DNAH3: variants seen among roughly 807,000 people sequenced by gnomAD.
DNAH3 encodes the protein dynein axonemal heavy chain 3, also known as axonemal beta dynein heavy chain 3.
DNAH3 carries 332 observed loss-of-function variants against 432.5 expected under a neutral mutation model. The ratio of observed to expected loss-of-function variants is 0.77; its 90% CI spans 0.70 to 0.84. The LOEUF (loss-of-function observed/expected upper bound fraction) is 0.84. Ranked by LOEUF, DNAH3 falls within the 40% of genes least tolerant of loss-of-function variation. The pLI, the probability that DNAH3 is intolerant of heterozygous loss-of-function variation, is 0.00. For synonymous variants in DNAH3, 1,956 were observed against 1,900.2 expected (o/e 1.03, Z -0.76); for missense variants, 4,861 against 5,114.0 (o/e 0.95, Z 1.51).
chr16:21,068,209 C>T (rs1304682365), intron 23 of DNAH3, among the ~76,000 whole-genome samples: 1 of 152,102 alleles, frequency 6.6e-6, no homozygotes, highest in African/African-American at 2.4e-5. Context: ...GTGAACTTAC[C>T]ATCCTTCAAG....
At chr16:21,150,217 A>G (rs918399300) in intron 1 of DNAH3, 73 bp downstream of exon 2, 1 of 406,310 alleles carries the variant, frequency 2.5e-6, no homozygotes, top group Non-Finnish European at 4.7e-6. Flanking sequence ...AAAGAGCAAA[A>G]CTCTGTCTCA....
chr16:20,960,634 G>A (rs1276874617), intron 53 of DNAH3, among the ~76,000 whole-genome samples: 1 of 152,182 alleles, frequency 6.6e-6, no homozygotes, highest in Non-Finnish European at 1.5e-5. Context: ...CCTGGGAAGA[G>A]GCGGAGGTTG....
intron 52 of DNAH3, among the ~76,000 whole-genome samples, chr16:20,968,360 C>T (rs1183563996): frequency 6.6e-6 from 1 of 152,096 alleles, no homozygotes; most frequent in African/African-American, 2.4e-5. Context: ...TGAGCCACTG[C>T]ACCTGGATGG....
intron 41 of DNAH3, among the ~76,000 whole-genome samples, chr16:21,012,909 G>A (rs1597138267): frequency 2.6e-5 from 4 of 152,090 alleles, no homozygotes; most frequent in Admixed American, 2.6e-4. Context: ...CTACAGGTGA[G>A]CGCTACCACA....
intron 11 of DNAH3, among the ~76,000 whole-genome samples, chr16:21,119,618 T>TG (rs2152810741): frequency 6.6e-6 from 1 of 150,736 alleles, no homozygotes; most frequent in African/African-American, 2.5e-5. Context: ...TTTTTTGAGA[T>TG]GGAGTTTCAC....
At chr16:21,027,356 G>A (rs917445386) in intron 37 of DNAH3, among the ~76,000 whole-genome samples, 1 of 152,124 alleles carries the variant, frequency 6.6e-6, no homozygotes, top group Non-Finnish European at 1.5e-5. Context: ...CAGACAATAA[G>A]CAAAATATAT....
chr16:20,938,394 TA>T lies in DNAH3; in HGVS notation c.11655-1542del, dbSNP rs5816142. ...GACAAGAGTGAAACTCTGTCTCAATTAAAAAAAAAAAAAGGAATGTAAAATT... is the reference window on the plus strand; with the variant it reads ...GACAAGAGTGAAACTCTGTCTCAATTAAAAAAAAAAAAGGAATGTAAAATT... On this transcript the variant is annotated intron_variant, in intron 59 of 61. Coordinates refer to ENST00000261383, the Ensembl canonical transcript of DNAH3. 5.5e-3 allele frequency among the ~76,000 whole-genome samples: 791 copies of T among 143,066 alleles called. 4 individuals are homozygous for T. Among genetic ancestry groups the T allele is most frequent in the Middle Eastern group, 0.022 (6 of 276 alleles). The allele number at this position is 143,066 out of a possible 152,430, so 93.9% of individuals were successfully genotyped here.
exon 47 of DNAH3, chr16:20,987,426 A>G (rs1442700926): frequency 6.2e-7 from 1 of 1,614,044 alleles, no homozygotes; most frequent in Non-Finnish European, 8.5e-7. Context: ...ATGGATCCAA[A>G]GCCGGATACA....
chr16:20,980,476 G>T (rs926846919), intron 49 of DNAH3, among the ~76,000 whole-genome samples: 5 of 150,928 alleles, frequency 3.3e-5, no homozygotes, highest in African/African-American at 1.2e-4. Context: ...TGGCTCAAGT[G>T]ATCCTCCCAC....
chr16:20,945,496 CTTT>C (rs71377698), intron 57 of DNAH3, among the ~76,000 whole-genome samples: 1 of 144,636 alleles, frequency 6.9e-6, no homozygotes, highest in Non-Finnish European at 1.5e-5. Context: ...TATTCCTTTA[CTTT>C]TTTTTTTTTT....
intron 52 of DNAH3, among the ~76,000 whole-genome samples, chr16:20,967,627 C>T (rs187497455): frequency 2.7e-5 from 4 of 150,938 alleles, no homozygotes; most frequent in Admixed American, 2.0e-4. Flanking sequence ...CTCAGCCTTC[C>T]GTGTAGCTGG....
chr16:20,982,684 G>A (rs2085966074), intron 49 of DNAH3, 37 bp downstream of exon 49: 2 of 1,544,948 alleles, frequency 1.3e-6, no homozygotes, highest in Admixed American at 3.8e-5. Context: ...CTTCAAATTT[G>A]GAATATCTAG....
At chr16:21,102,893 T>C (rs78392457) in intron 16 of DNAH3, among the ~76,000 whole-genome samples, 1 of 151,428 alleles carries the variant, frequency 6.6e-6, no homozygotes, top group Non-Finnish European at 1.5e-5. Context: ...TTTTTTTTTT[T>C]TGAGACAGAA....
intron 37 of DNAH3, among the ~76,000 whole-genome samples, chr16:21,029,796 T>C (rs751550826): frequency 8.5e-5 from 13 of 152,240 alleles, no homozygotes; most frequent in African/African-American, 3.1e-4. Context: ...TGTGTTGTGT[T>C]GGGCAAGTTA....
intron 34 of DNAH3, 55 bp downstream of exon 34, chr16:21,037,706 T>G: frequency 1.3e-6 from 2 of 1,515,648 alleles, no homozygotes. Context: ...ACACAACATT[T>G]CATCTTCCAA....
intron 41 of DNAH3, chr16:21,019,313 C>T (rs1042330861): frequency 9.9e-5 from 34 of 343,824 alleles, no homozygotes; most frequent in Middle Eastern, 2.0e-3. Context: ...CATGCCACCA[C>T]ACCCAGCTAA....
chr16:20,955,269 T>C (rs2084511001), intron 54 of DNAH3, among the ~76,000 whole-genome samples: 1 of 152,130 alleles, frequency 6.6e-6, no homozygotes, highest in Non-Finnish European at 1.5e-5. Flanking sequence ...GCCAAAACTA[T>C]GCTAAGCATT....
chr16:20,978,204 A>C (rs942153708), intron 50 of DNAH3, among the ~76,000 whole-genome samples: 34 of 152,230 alleles, frequency 2.2e-4, no homozygotes, highest in African/African-American at 7.9e-4. Context: ...TGCAGTGAAA[A>C]CTGCTACCAC....
chr16:21,096,923 C>T (rs905224364), intron 18 of DNAH3, among the ~76,000 whole-genome samples: 11 of 152,164 alleles, frequency 7.2e-5, no homozygotes, highest in Admixed American at 2.0e-4. Context: ...TAACCTCTTC[C>T]TCCCTGCCCC....
Sources: gnomAD v4.1 joint callset for allele counts (sites outside exome capture counted in the v4.1 genomes callset) on GRCh38, gnomAD v4.1.1 for gene constraint, MANE v1.5 for transcripts, NCBI Gene and HGNC (gene_info 2026-07-23, HGNC 2026-07-21) for gene names.